The following TEX9 variants were observed in gnomAD, a reference collection of about 807,000 sequenced individuals.
TEX9 encodes the protein testis expressed 9.
In TEX9, 74 loss-of-function variants were observed where a neutral mutation model predicts 59.6. The ratio of observed to expected loss-of-function variants is 1.24; its 90% confidence interval spans 1.03 to 1.51. TEX9 has a LOEUF of 1.51. TEX9 is among the 40% of genes most tolerant of loss of function. TEX9 has a pLI of 0.00. For synonymous variants in TEX9, 186 were observed against 152.2 expected, an observed-to-expected ratio of 1.22 and a Z score of -1.64; for missense variants, 522 against 447.8, an observed-to-expected ratio of 1.17 and a Z score of -1.49.
chr15:56,429,352 A>AATAAGACTTTACATATATATTG (rs1398724503), intron 12 of TEX9: 23 of 561,618 alleles, frequency 4.1e-5, no homozygotes, highest in Non-Finnish European at 3.9e-5. Flanking sequence ...CTTTTCAAAA[A>AATAAGACTTTACATATATATTG]ATAAGACTTT....
rs1383948253 is a variant in TEX9, at chr15:56,280,362, A to C, written c.-107+36084A>C. Among the ~76,000 whole-genome samples, 4 of 152,320 alleles carry C rather than the reference A, an allele frequency of 2.6e-5. No homozygotes were observed. The East Asian group carries it at 7.7e-4, about 29-fold the overall frequency. ...GAAGGATATTACTGATTTTAGTGTT[A>C]AACCTTCACATTGTGTAAGCCTTGA... On this transcript the variant is annotated intron_variant, in intron 1 of 5. Transcript: ENST00000560827.
intron 12 of TEX9, chr15:56,429,557 A>G (rs74958886): frequency 0.03 from 4,762 of 156,754 alleles, 276 homozygotes; most frequent in African/African-American, 0.11. Flanking sequence ...GGTGAGCTTC[A>G]GTAGATTCAT....
chr15:56,392,082 A>G (rs980810293), intron 7 of TEX9, among the ~76,000 whole-genome samples: 12 of 152,218 alleles, frequency 7.9e-5, no homozygotes, highest in Non-Finnish European at 1.3e-4. Flanking sequence ...CTATAATACA[A>G]TTAATTGTGA....
At chr15:56,435,354 T>C (rs2140333487) in intron 12 of TEX9, among the ~76,000 whole-genome samples, 1 of 150,742 alleles carries the variant, frequency 6.6e-6, no homozygotes, top group East Asian at 2.0e-4. Context: ...AAATAGAAAA[T>C]AGACAATTAT....
At chr15:56,310,772 A>C (rs1439940694) in intron 1 of TEX9, among the ~76,000 whole-genome samples, 2 of 152,326 alleles carry the variant, frequency 1.3e-5, no homozygotes, top group African/African-American at 2.4e-5. Context: ...GTCAGGGAGC[A>C]CAGAACAGAG....
intron 10 of TEX9, among the ~76,000 whole-genome samples, chr15:56,426,587 GTGTA>G (rs2050265426): frequency 1.2e-4 from 1 of 8,210 alleles, no homozygotes; most frequent in Non-Finnish European, 2.7e-4. Flanking sequence ...TTTTGAAAAG[GTGTA>G]TATATATATA....
intron 1 of TEX9, among the ~76,000 whole-genome samples, chr15:56,298,219 A>T (rs2045262021): frequency 6.6e-6 from 1 of 152,230 alleles, no homozygotes; most frequent in Admixed American, 6.5e-5. Context: ...GACCACTTCT[A>T]TCAACAAAAG....
intron 1 of TEX9, among the ~76,000 whole-genome samples, chr15:56,250,915 G>A (rs1359375737): frequency 6.6e-6 from 1 of 152,202 alleles, no homozygotes; most frequent in African/African-American, 2.4e-5. Flanking sequence ...GCAACATCCA[G>A]CTTAGAGTAT....
exon 1 of TEX9, chr15:56,365,474 C>G (rs758388691): frequency 3.1e-6 from 5 of 1,614,062 alleles, no homozygotes; most frequent in Non-Finnish European, 4.2e-6. Context: ...GTCTGTGTCT[C>G]ACGGTCAGTT....
At chr15:56,399,518 C>G (rs988064598) in intron 9 of TEX9, among the ~76,000 whole-genome samples, 3 of 152,250 alleles carry the variant, frequency 2.0e-5, no homozygotes, top group Admixed American at 2.0e-4. Context: ...ATAGACTCCA[C>G]CTCTGTAGGC....
At chr15:56,459,984 CTG>C in the TEX9 span, among the ~76,000 whole-genome samples, 1 of 19,722 alleles carries the variant, frequency 5.1e-5, no homozygotes, top group Non-Finnish European at 8.6e-5. Context: ...GAGCGAAATT[CTG>C]TCTCAAAAAA....
chr15:56,315,091 T>G (rs1171968432), intron 1 of TEX9, among the ~76,000 whole-genome samples: 2 of 151,418 alleles, frequency 1.3e-5, no homozygotes, highest in East Asian at 3.9e-4. Flanking sequence ...TGATGGGTCT[T>G]AACTCTTTAT....
At chr15:56,318,649 A>T (rs1006677110) in intron 1 of TEX9, among the ~76,000 whole-genome samples, 1 of 151,974 alleles carries the variant, frequency 6.6e-6, no homozygotes, top group Non-Finnish European at 1.5e-5. Context: ...ATTATCTAGC[A>T]TATAATTTTA....
intron 9 of TEX9, chr15:56,409,885 A>T (rs914464962): frequency 6.6e-6 from 1 of 151,972 alleles, no homozygotes; most frequent in Admixed American, 6.6e-5. Context: ...CCCTTCCCTC[A>T]TTGTTCTGTC....
In TEX9 at chr15:56,358,499, TAG is replaced by T. The variant is rs1352245245; in HGVS notation, c.-106-14935_-106-14934del. ...ATTTGCAGAAAAACTGAGAATATCG[TAG>T]AGAGAGTTCCCATATACCCTGCACC... On this transcript the variant is annotated intron_variant, in intron 1 of 5. Transcript: ENST00000560827. 2.0e-5 allele frequency among the ~76,000 whole-genome samples: 3 copies of T among 152,148 alleles called. No individual in the cohort carries two copies. In the South Asian group the frequency reaches 6.2e-4, roughly 31 times the overall value.
chr15:56,287,940 T>C (rs1416775229), intron 1 of TEX9, among the ~76,000 whole-genome samples: 1 of 152,204 alleles, frequency 6.6e-6, no homozygotes, highest in African/African-American at 2.4e-5. Context: ...CTTAGGTAGA[T>C]TCAATATCTT....
At chr15:56,460,009 A>AAAAAAAAAAAAAAAAAAT in the TEX9 span, among the ~76,000 whole-genome samples, 12 of 26,386 alleles carry the variant, frequency 4.5e-4, 3 homozygotes, top group Admixed American at 1.7e-3. Flanking sequence ...AAAAAAAAAA[A>AAAAAAAAAAAAAAAAAAT]ATACATATAT....
chr15:56,276,382 A>G (rs1436851884), intron 1 of TEX9, among the ~76,000 whole-genome samples: 15 of 151,908 alleles, frequency 9.9e-5, no homozygotes, highest in Non-Finnish European at 5.9e-5. Flanking sequence ...CCCTGTGTCC[A>G]TGTGTTCTCA....
Position 56,433,427 on chromosome 15 carries a change from A to T in TEX9, c.*29+4954A>T, listed in dbSNP as rs751938137. Among the ~76,000 whole-genome samples, 12 of 152,112 alleles carry T rather than the reference A, an allele frequency of 7.9e-5. 1 individual carries two copies. The highest frequency in any genetic ancestry group is 1.9e-4 in the East Asian group (1 of 5,194). On this transcript the variant is annotated intron_variant, in intron 12 of 12. Coordinates refer to ENST00000352903, the Ensembl canonical transcript of TEX9. ...ATGCATCCTGGAACTTAAAAATATTAAAAAAATAATTAAAAAGATGGAATG... is the reference window on the plus strand; with the variant it reads ...ATGCATCCTGGAACTTAAAAATATTTAAAAAATAATTAAAAAGATGGAATG...
Sources: gnomAD v4.1 joint callset for allele counts (sites outside exome capture counted in the v4.1 genomes callset) on GRCh38, gnomAD v4.1.1 for gene constraint, MANE v1.5 for transcripts, NCBI Gene and HGNC (gene_info 2026-07-23, HGNC 2026-07-21) for gene names.